The following KLRB1 variants were observed in gnomAD, a reference collection of about 807,000 sequenced individuals.
KLRB1 encodes the protein killer cell lectin like receptor B1, also known as killer cell lectin-like receptor subfamily B member 1.
Under a neutral mutation model 33.5 loss-of-function variants are expected in KLRB1, and 27 were observed. That is an observed-to-expected ratio of 0.81 (90% CI 0.59 to 1.11). KLRB1 has a LOEUF of 1.11. KLRB1 is among the 50% of genes most tolerant of loss of function. The probability of loss-of-function intolerance (pLI) is 0.00; values close to 1 mark genes in which losing one functional copy is unlikely to be tolerated. For synonymous variants in KLRB1, 64 were observed against 88.9 expected, an observed-to-expected ratio of 0.72 and a Z score of 1.58; for missense variants, 241 against 254.1, an observed-to-expected ratio of 0.95 and a Z score of 0.35.
rs1864481848 is a variant in KLRB1 at position 9,595,204 on chromosome 12, C to G, written c.*70G>C. ...TAAATGTGGCACTATTAGGTAGTAC[C>G]AATAGTATGTGCAGCTACAAGTACA... is the stretch of plus-strand genomic sequence containing the variant. On this transcript the variant is annotated 3_prime_UTR_variant, in exon 6 of 6. Transcript: ENST00000229402. 3.0e-6 allele frequency: 4 copies of G among 1,353,830 alleles called. No individual in the cohort carries two copies. Among genetic ancestry groups the G allele is most frequent in the Admixed American group, 1.8e-5 (1 of 56,364 alleles). 83.9% of individuals were successfully genotyped at this position (1,353,830 alleles called of 1,614,324 possible). A position where few individuals can be genotyped will look rare whatever the true frequency, so the allele number is the denominator to read the frequency against.
chr12:9,602,646 CTAT>C (rs1439780111), intron 1 of KLRB1, among the ~76,000 whole-genome samples: 2 of 151,854 alleles, frequency 1.3e-5, no homozygotes, highest in African/African-American at 4.8e-5. Flanking sequence ...TTTATAAATT[CTAT>C]TATTAGAGCT....
chr12:9,599,246 T>G (rs1476881207), intron 3 of KLRB1, among the ~76,000 whole-genome samples: 1 of 152,234 alleles, frequency 6.6e-6, no homozygotes, highest in Non-Finnish European at 1.5e-5. Context: ...TCAGGTTTTC[T>G]TAAAACTTCC....
intron 2 of KLRB1, 50 bp downstream of exon 2, chr12:9,601,451 T>C (rs753808841): frequency 2.9e-6 from 4 of 1,360,928 alleles, no homozygotes; most frequent in Non-Finnish European, 4.2e-6. Flanking sequence ...CTAAGATACG[T>C]AATGGAAGTA....
chr12:9,599,722 CA>C, intron 3 of KLRB1, 44 bp downstream of exon 3: 2 of 1,154,656 alleles, frequency 1.7e-6, no homozygotes, highest in Non-Finnish European at 2.6e-6. Flanking sequence ...TGAAATCTAC[CA>C]AATATTAACA....
At position 9,595,024 on chromosome 12, in the gene KLRB1, A is replaced by C. The variant is rs1864479249; in HGVS notation, c.*250T>G. 1 of 431,494 alleles carries C rather than the reference A, an allele frequency of 2.3e-6. No homozygotes were observed. The highest frequency in any genetic ancestry group is 4.2e-6 in the Non-Finnish European group (1 of 240,440). The allele number at this position is 431,494 out of a possible 1,614,324, so 26.7% of individuals were successfully genotyped here. On this transcript the variant is annotated 3_prime_UTR_variant, in exon 6 of 6. Transcript: ENST00000229402. The stretch of plus-strand genomic sequence containing the variant: ...TCTGGCATATTCGGGGACATCCTTC[A>C]CTCCTTCACCATAGAATATCACTGT...
chr12:9,599,315 C>A (rs1372791848), intron 3 of KLRB1, among the ~76,000 whole-genome samples: 2 of 152,122 alleles, frequency 1.3e-5, no homozygotes, highest in Non-Finnish European at 2.9e-5. Context: ...CAGTAGTCAC[C>A]TTTTTTTATT....
chr12:9,601,570 A>AT lies in KLRB1; in HGVS notation c.114dup (p.Phe39IlefsTer6), dbSNP rs1442948566. 2.5e-6 allele frequency: 4 copies of AT among 1,613,554 alleles called. No individual in the cohort carries two copies. In the East Asian group the frequency reaches 8.9e-5, roughly 36 times the overall value. ...CCAGCACAGCTAAGTTTCAGGGCAA[A>AT]TTGATGCCAAGGTGAACCCTGACAG... On this transcript the variant is annotated frameshift_variant, in exon 2 of 6. Transcript: ENST00000229402. LOFTEE classifies it high-confidence loss of function.
rs144231382 is a variant in KLRB1, at chr12:9,607,785, C to T, written c.55G>A (p.Glu19Lys). 27 of 1,613,574 alleles carry T rather than the reference C, an allele frequency of 1.7e-5. No individual in the cohort carries two copies. The highest frequency in any genetic ancestry group is 2.1e-5 in the Non-Finnish European group (25 of 1,179,714). ...ELNLPTDSGP[E>K]SSSPSSLPRD... ...GGAAGAGATGAAGGTGAAGAACTTTCTGGGCCTGAGTCTGTGGGTAAGTTT... is the reference window on the plus strand; with the variant it reads ...GGAAGAGATGAAGGTGAAGAACTTTTTGGGCCTGAGTCTGTGGGTAAGTTT... The change falls in exon 1 of 6, where the codon GAA becomes AAA. Residue 19 changes from glutamate (E) to lysine (K), a missense_variant. Physicochemically the swap from Glu to Lys is moderately conservative, Grantham distance 56. Transcript: ENST00000229402.
chr12:9,599,676 A>C, intron 3 of KLRB1, 91 bp downstream of exon 3: 1 of 847,310 alleles, frequency 1.2e-6, no homozygotes, highest in East Asian at 2.4e-5. Flanking sequence ...ATATCTTAAC[A>C]TATGGATTGT....
At position 9,595,433 on chromosome 12, in the gene KLRB1, A is replaced by G. The variant is rs759781716; in HGVS notation, c.531-12T>C. On this transcript the variant is annotated splice_polypyrimidine_tract_variant and intron_variant, in intron 5 of 5. Transcript: ENST00000229402. ...CTCTAATTTCTAAGCTGTGGAGCAA[A>G]AGAAAAGTCTGTCTTAGCATTTATG... 5 of 1,610,386 alleles carry G rather than the reference A, an allele frequency of 3.1e-6. No homozygotes were observed. In the African/African-American group the frequency reaches 6.7e-5, roughly 22 times the overall value.
chr12:9,599,226 A>G (rs1156373585), intron 3 of KLRB1, among the ~76,000 whole-genome samples: 1 of 152,240 alleles, frequency 6.6e-6, no homozygotes, highest in Non-Finnish European at 1.5e-5. Flanking sequence ...AGAATTTTCC[A>G]GAAGGACTTT....
chr12:9,601,697 G>A, intron 1 of KLRB1, 98 bp from the exon 2 acceptor site: 1 of 745,820 alleles, frequency 1.3e-6, no homozygotes, highest in East Asian at 2.7e-5. Context: ...AAATGTACTT[G>A]GGATAACATA....
chr12:9,601,231 C>G (rs2120714163), intron 2 of KLRB1, among the ~76,000 whole-genome samples: 1 of 151,594 alleles, frequency 6.6e-6, no homozygotes, highest in Non-Finnish European at 1.5e-5. Flanking sequence ...ACACATCCCC[C>G]TCTCGAGAAA....
chr12:9,603,718 G>GATAGACAGCT (rs1565443394), intron 1 of KLRB1, among the ~76,000 whole-genome samples: 1 of 151,558 alleles, frequency 6.6e-6, no homozygotes, highest in Admixed American at 6.6e-5. Flanking sequence ...TTACATACGT[G>GATAGACAGCT]AGCCACCGCA....
At position 9,607,778 on chromosome 12, in the gene KLRB1, G is replaced by A. The variant is rs201764859; in HGVS notation, c.62C>T (p.Ser21Phe). The change falls in exon 1 of 6, where the codon TCT becomes TTT. Residue 21 changes from serine (S) to phenylalanine (F), a missense_variant. Ser to Phe is a radical substitution (Grantham distance 155). Transcript: ENST00000229402. ...ACCCCGAGGAAGAGATGAAGGTGAA[G>A]AACTTTCTGGGCCTGAGTCTGTGGG... Reference protein sequence around the residue: ...NLPTDSGPESSSPSSLPRDVC... With the variant: ...NLPTDSGPESFSPSSLPRDVC... The A allele has an allele frequency of 4.3e-6, 7 of 1,611,878 alleles. No individual in the cohort carries two copies. The East Asian group carries it at 1.1e-4, about 26-fold the overall frequency.
rs368669716 is a variant in KLRB1, at chr12:9,607,747, C to T, written c.85+8G>A. 1.5e-4 allele frequency: 244 copies of T among 1,596,226 alleles called. No homozygotes were observed. The highest frequency in any genetic ancestry group is 1.5e-3 in the Middle Eastern group (9 of 6,020). On this transcript the variant is annotated splice_region_variant and intron_variant, in intron 1 of 5. Transcript: ENST00000229402. ...ACAAATGCCGAAAGGAAAATTAAAG[C>T]CACTTACCCCGAGGAAGAGATGAAG...
At chr12:9,607,405 T>TTTCTTTCTTTC (rs1565444748) in intron 1 of KLRB1, among the ~76,000 whole-genome samples, 50 of 47,980 alleles carry the variant, frequency 1.0e-3, no homozygotes, top group Non-Finnish European at 1.9e-3. Context: ...TCTTTCTTTC[T>TTTCTTTCTTTC]TTTCTTTCTT....
In KLRB1 at chr12:9,595,288, A is replaced by G; in HGVS notation, c.664T>C (p.Tyr222His). The change falls in exon 6 of 6, where the codon TAT becomes CAT. Residue 222 changes from tyrosine to histidine, a missense_variant. Coordinates refer to ENST00000229402, the MANE Select transcript of KLRB1 (RefSeq NM_002258.3). ...KELTPVRNKV[Y>H]PDS ...GGGATTCATAGTCAAGAGTCAGGATACACTTTATTTCTCACAGGTGTTAGT... is the reference window on the plus strand; with the variant it reads ...GGGATTCATAGTCAAGAGTCAGGATGCACTTTATTTCTCACAGGTGTTAGT... The G allele has an allele frequency of 6.2e-7, 1 of 1,613,288 alleles. No individual in the cohort carries two copies. Among genetic ancestry groups the G allele is most frequent in the Non-Finnish European group, 8.5e-7 (1 of 1,179,410 alleles).
intron 1 of KLRB1, among the ~76,000 whole-genome samples, chr12:9,604,979 C>T (rs903960636): frequency 6.6e-6 from 1 of 152,106 alleles, no homozygotes; most frequent in African/African-American, 2.4e-5. Flanking sequence ...CTAGTGCTAT[C>T]CCTTCTCCCT....
Sources: gnomAD v4.1 joint callset for allele counts (sites outside exome capture counted in the v4.1 genomes callset) on GRCh38, gnomAD v4.1.1 for gene constraint, MANE v1.5 for transcripts, NCBI Gene and HGNC (gene_info 2026-07-23, HGNC 2026-07-21) for gene names.